The following ZNRF3 variants were observed in gnomAD, a reference collection of about 807,000 sequenced individuals.
ZNRF3 encodes zinc and ring finger 3.
In ZNRF3, 23 loss-of-function variants were observed where a neutral mutation model predicts 72.5. That is an observed-to-expected ratio of 0.32 (90% CI 0.23 to 0.45). The LOEUF (loss-of-function observed/expected upper bound fraction) is 0.45. ZNRF3 is among the 20% of genes least tolerant of loss of function. The probability of loss-of-function intolerance (pLI) is 1.00; values close to 1 mark genes in which losing one functional copy is unlikely to be tolerated. For synonymous variants in ZNRF3, 610 were observed against 545.3 expected, an observed-to-expected ratio of 1.12 and a Z score of -1.65; for missense variants, 1,169 against 1,272.1, an observed-to-expected ratio of 0.92 and a Z score of 1.23.
intron 1 of ZNRF3, among the ~76,000 whole-genome samples, chr22:28,969,160 A>G (rs1377723985): frequency 6.6e-6 from 1 of 152,192 alleles, no homozygotes; most frequent in Non-Finnish European, 1.5e-5. Context: ...TTAAGTAAGG[A>G]CAGTGGCTCC....
chr22:28,965,517 C>G (rs115714622), intron 1 of ZNRF3, among the ~76,000 whole-genome samples: 1 of 152,208 alleles, frequency 6.6e-6, no homozygotes, highest in African/African-American at 2.4e-5. Context: ...TTCTTAACCA[C>G]CCTGCCTCAG....
intron 2 of ZNRF3, among the ~76,000 whole-genome samples, chr22:29,021,076 G>A (rs892717456): frequency 1.3e-5 from 2 of 151,994 alleles, no homozygotes; most frequent in Non-Finnish European, 1.5e-5. Flanking sequence ...GATTACAGGC[G>A]TGAGCCACTG....
chr22:28,951,866 A>T (rs901633914), intron 1 of ZNRF3, among the ~76,000 whole-genome samples: 2 of 152,150 alleles, frequency 1.3e-5, no homozygotes, highest in African/African-American at 4.8e-5. Context: ...ATGGATAGAG[A>T]TGGTTTAGGG....
intron 1 of ZNRF3, among the ~76,000 whole-genome samples, chr22:28,979,854 G>C (rs2035734740): frequency 6.6e-6 from 1 of 152,178 alleles, no homozygotes; most frequent in Non-Finnish European, 1.5e-5. Flanking sequence ...GGAGGCTGTA[G>C]GAACCAGTAA....
At chr22:28,975,855 CA>C (rs67640343) in intron 1 of ZNRF3, among the ~76,000 whole-genome samples, 7,950 of 152,248 alleles carry the variant, frequency 0.052, 436 homozygotes, top group African/African-American at 0.14. Context: ...CGCTTCCCCC[CA>C]AATTTGAGCC....
chr22:28,991,024 G>A (rs2035942550), intron 2 of ZNRF3, among the ~76,000 whole-genome samples: 1 of 152,044 alleles, frequency 6.6e-6, no homozygotes, highest in Non-Finnish European at 1.5e-5. Context: ...GCTCACGCCT[G>A]TAATCCTAGT....
intron 1 of ZNRF3, among the ~76,000 whole-genome samples, chr22:28,960,316 G>C (rs1307990247): frequency 6.6e-6 from 1 of 152,018 alleles, no homozygotes; most frequent in Non-Finnish European, 1.5e-5. Flanking sequence ...CTGTCTCATG[G>C]GTTTTTAATA....
intron 2 of ZNRF3, among the ~76,000 whole-genome samples, chr22:29,010,005 C>A (rs1172874947): frequency 6.7e-6 from 1 of 149,050 alleles, no homozygotes; most frequent in Non-Finnish European, 1.5e-5. Flanking sequence ...CTCCTGGGTT[C>A]ATGCCATTCT....
At chr22:28,958,262 T>C (rs190766627) in intron 1 of ZNRF3, among the ~76,000 whole-genome samples, 159 of 152,230 alleles carry the variant, frequency 1.0e-3, no homozygotes, top group African/African-American at 3.6e-3. Flanking sequence ...GAACAATGAG[T>C]TTTGTCTTTT....
intron 1 of ZNRF3, among the ~76,000 whole-genome samples, chr22:28,933,163 C>T (rs539334983): frequency 3.2e-4 from 48 of 152,310 alleles, no homozygotes; most frequent in Admixed American, 2.0e-3. Flanking sequence ...CATGAACTAA[C>T]GCATTCTTCT....
At chr22:29,033,343 T>TC (rs1487898417) in intron 2 of ZNRF3, among the ~76,000 whole-genome samples, 1 of 103,132 alleles carries the variant, frequency 9.7e-6, no homozygotes, top group Non-Finnish European at 1.8e-5. Flanking sequence ...AGAGTGAGAC[T>TC]CCATCTCAAA....
intron 1 of ZNRF3, among the ~76,000 whole-genome samples, chr22:28,893,953 T>C (rs529822937): frequency 6.6e-6 from 1 of 152,152 alleles, no homozygotes; most frequent in South Asian, 2.1e-4. Flanking sequence ...TTCTACACAA[T>C]AGCCCTGCTC....
At chr22:28,957,725 C>T (rs902841550) in intron 1 of ZNRF3, among the ~76,000 whole-genome samples, 3 of 151,910 alleles carry the variant, frequency 2.0e-5, no homozygotes, top group Non-Finnish European at 4.4e-5. Context: ...AGGTGTGAGC[C>T]ACCACGCCCG....
At position 29,050,539 on chromosome 22, in the gene ZNRF3, G is replaced by A. The variant is rs749793664; in HGVS notation, c.2358G>A (p.Gln786=). The change falls in exon 8 of 9, where the codon CAG becomes CAA. Residue 786 remains glutamine, a synonymous_variant. Transcript: ENST00000544604. The part of the protein sequence containing the change: ...GLPCCFYEEK[Q]VARGGGGGSG... Reference sequence around the variant, plus strand: ...CCTGCTGCTTCTATGAAGAGAAGCAGGTGGCCCGCGGGGGCGGAGGGGGCA... The same window carrying A: ...CCTGCTGCTTCTATGAAGAGAAGCAAGTGGCCCGCGGGGGCGGAGGGGGCA... The A allele has an allele frequency of 3.1e-6, 5 of 1,610,984 alleles. No homozygotes were observed. In the East Asian group the frequency reaches 6.7e-5, roughly 22 times the overall value.
intron 2 of ZNRF3, among the ~76,000 whole-genome samples, chr22:28,993,103 T>G (rs1165523883): frequency 1.3e-5 from 2 of 152,228 alleles, no homozygotes; most frequent in African/African-American, 2.4e-5. Context: ...CACTGAAGGC[T>G]TCTGACAAAA....
chr22:29,043,516 CTCTG>C, intron 4 of ZNRF3, 86 bp downstream of exon 4: 3 of 1,518,972 alleles, frequency 2.0e-6, no homozygotes, highest in East Asian at 2.3e-5. Flanking sequence ...TCATTCCTAT[CTCTG>C]TCTGAAATGC....
At chr22:28,955,888 T>G (rs1601599801) in intron 1 of ZNRF3, among the ~76,000 whole-genome samples, 1 of 152,288 alleles carries the variant, frequency 6.6e-6, no homozygotes, top group East Asian at 1.9e-4. Context: ...CACTGTACTC[T>G]GGCCTAGATG....
intron 2 of ZNRF3, among the ~76,000 whole-genome samples, chr22:29,029,311 A>C (rs1379999423): frequency 1.3e-5 from 2 of 152,252 alleles, no homozygotes; most frequent in Non-Finnish European, 2.9e-5. Flanking sequence ...AAGCAAGCAA[A>C]AATGCTTTCA....
chr22:28,968,364 A>C (rs557957791), intron 1 of ZNRF3, among the ~76,000 whole-genome samples: 1 of 152,114 alleles, frequency 6.6e-6, no homozygotes, highest in African/African-American at 2.4e-5. Flanking sequence ...ATTCTTTCTT[A>C]TAGCTATAAT....
Sources: allele counts gnomAD v4.1 joint callset (sites outside exome capture counted in the v4.1 genomes callset), GRCh38; gene constraint gnomAD v4.1.1; transcripts MANE v1.5; gene names NCBI Gene and HGNC (gene_info 2026-07-23, HGNC 2026-07-21).